Variants in NDUFA10 observed in about 807,000 individuals in gnomAD.
NDUFA10 encodes NADH dehydrogenase [ubiquinone] 1 alpha subcomplex subunit 10, mitochondrial.
A neutral mutation model predicts 47.8 loss-of-function variants in NDUFA10; 40 were observed. The ratio of observed to expected loss-of-function variants is 0.84; its 90% CI spans 0.65 to 1.09. The LOEUF (loss-of-function observed/expected upper bound fraction) is 1.09, where lower values mean the gene tolerates loss of function less well. Ranked by LOEUF, NDUFA10 falls within the 50% of genes least tolerant of loss-of-function variation. The pLI is 0.00. For synonymous variants in NDUFA10, 183 were observed against 172.2 expected (o/e 1.06, Z -0.49); for missense variants, 413 against 451.1 (o/e 0.92, Z 0.76).
intron 4 of NDUFA10, among the ~76,000 whole-genome samples, chr2:239,948,056 G>A (rs1314082452): frequency 6.6e-6 from 1 of 152,196 alleles, no homozygotes; most frequent in Non-Finnish European, 1.5e-5. Context: ...GGTGAGGTCG[G>A]GGGACAAGCT....
In NDUFA10 at chr2:239,957,429, C is replaced by A. The variant is rs1307847484; in HGVS notation, c.*3689G>T. On this transcript the variant is annotated 3_prime_UTR_variant, in exon 10 of 10. Coordinates refer to ENST00000252711, the MANE Select transcript of NDUFA10 (RefSeq NM_004544.4). The stretch of plus-strand genomic sequence containing the variant: ...ACATAGCACTAAAATGAGAGCTTCC[C>A]AAAATGTAACCAGCAATTGGATCTA... 6.6e-6 allele frequency: 1 copy of A among 152,128 alleles called. No homozygotes were observed. Among genetic ancestry groups the A allele is most frequent in the Non-Finnish European group, 1.5e-5 (1 of 68,016 alleles). 9.4% of individuals were successfully genotyped at this position (152,128 alleles called of 1,614,324 possible). A position where few individuals can be genotyped will look rare whatever the true frequency, so the allele number is the denominator to read the frequency against.
intron 4 of NDUFA10, among the ~76,000 whole-genome samples, chr2:239,919,236 T>G (rs1164594913): frequency 6.6e-6 from 1 of 152,202 alleles, no homozygotes; most frequent in Non-Finnish European, 1.5e-5. Context: ...ACAGCAGCCC[T>G]GCCCCTCTTC....
At chr2:239,926,665 G>A (rs1477885317) in intron 4 of NDUFA10, among the ~76,000 whole-genome samples, 1 of 152,142 alleles carries the variant, frequency 6.6e-6, no homozygotes, top group South Asian at 2.1e-4. Flanking sequence ...CCTTCAGGAG[G>A]TATTCAGAAG....
chr2:240,022,670 G>A lies in NDUFA10; in HGVS notation c.76-330C>T, dbSNP rs568482839. Among the ~76,000 whole-genome samples, 3 of 152,008 alleles carry A rather than the reference G, an allele frequency of 2.0e-5. No homozygotes were observed. In the South Asian group the frequency reaches 6.2e-4, roughly 32 times the overall value. On this transcript the variant is annotated intron_variant, in intron 1 of 9. Transcript: ENST00000252711. ...GGGGTGGATGGATGGATGGATGGAC[G>A]GACAGACGGGAGGAAGAAAGACAGG...
At chr2:239,979,629 T>C (rs566018850) in intron 9 of NDUFA10, among the ~76,000 whole-genome samples, 3 of 152,142 alleles carry the variant, frequency 2.0e-5, no homozygotes, top group Non-Finnish European at 4.4e-5. Context: ...CCCCCGCCCA[T>C]AGCACCAGCA....
chr2:239,954,859 G>A (rs1286992492), downstream of NDUFA10, among the ~76,000 whole-genome samples: 1 of 152,156 alleles, frequency 6.6e-6, no homozygotes, highest in Non-Finnish European at 1.5e-5. Context: ...ACACAGCCCG[G>A]AAGTGTGAGT....
chr2:239,956,251 C>T (rs184764178), downstream of NDUFA10, among the ~76,000 whole-genome samples: 18 of 152,306 alleles, frequency 1.2e-4, no homozygotes, highest in East Asian at 3.9e-4. Flanking sequence ...ACATGCAAGA[C>T]GCACAAAATC....
At chr2:239,946,863 C>T (rs1694462108) in intron 4 of NDUFA10, among the ~76,000 whole-genome samples, 1 of 152,258 alleles carries the variant, frequency 6.6e-6, no homozygotes, top group African/African-American at 2.4e-5. Flanking sequence ...GAAATGCCTG[C>T]TGTGTGTCTT....
Position 239,933,547 on chromosome 2 carries a change from C to T in NDUFA10, c.295-38233G>A, listed in dbSNP as rs116380987. On this transcript the variant is annotated intron_variant, in intron 4 of 5. Coordinates refer to the NDUFA10 transcript ENST00000419408. ...GTTTTGTTTTGTTTTGACGGAATCTCGCTCTGTCACCCAGGCTGGAGTGCA... is the reference window on the plus strand; with the variant it reads ...GTTTTGTTTTGTTTTGACGGAATCTTGCTCTGTCACCCAGGCTGGAGTGCA... Among the ~76,000 whole-genome samples the T allele has an allele frequency of 4.3e-3, 640 of 148,564 alleles. 4 individuals carry two copies. The highest frequency in any genetic ancestry group is 0.015 in the African/African-American group (602 of 40,000).
intron 7 of NDUFA10, 130 bp from the exon 8 acceptor site, chr2:240,005,425 T>A (rs1002342096): frequency 1.4e-6 from 1 of 737,928 alleles, no homozygotes; most frequent in Non-Finnish European, 2.4e-6. Context: ...CACAGCACAC[T>A]GCAGCCTTGG....
chr2:239,988,365 A>C (rs1174648075), intron 9 of NDUFA10, among the ~76,000 whole-genome samples: 1 of 152,200 alleles, frequency 6.6e-6, no homozygotes, highest in East Asian at 1.9e-4. Flanking sequence ...ATCTAATCAT[A>C]CGGCCCTAAA....
Position 240,004,712 on chromosome 2 carries a change from T to G in NDUFA10, c.890+498A>C, listed in dbSNP as rs1696878248. Among the ~76,000 whole-genome samples, 3 of 150,820 alleles carry G rather than the reference T, an allele frequency of 2.0e-5. No individual in the cohort carries two copies. In the South Asian group the frequency reaches 6.2e-4, roughly 31 times the overall value. Reference sequence around the variant, plus strand: ...CGCACCTTCCCACCACACTCCTGCCTGAAGAGCCTCTGCACCTGCCAAGCC... The same window carrying G: ...CGCACCTTCCCACCACACTCCTGCCGGAAGAGCCTCTGCACCTGCCAAGCC... On this transcript the variant is annotated intron_variant, in intron 8 of 9. Transcript: ENST00000252711.
intron 4 of NDUFA10, among the ~76,000 whole-genome samples, chr2:239,927,515 C>T (rs949416909): frequency 2.0e-5 from 3 of 152,204 alleles, no homozygotes; most frequent in Non-Finnish European, 4.4e-5. Flanking sequence ...ACCGACCTAA[C>T]GGTGCAGTCC....
chr2:239,910,510 G>T (rs1693732373), intron 4 of NDUFA10, among the ~76,000 whole-genome samples: 1 of 152,154 alleles, frequency 6.6e-6, no homozygotes, highest in African/African-American at 2.4e-5. Context: ...AGTGGGAGCT[G>T]AATGATGAGA....
At chr2:239,911,668 A>AGTGTGTGTGTGTGTGTGTGTGT (rs1209330426) in intron 4 of NDUFA10, among the ~76,000 whole-genome samples, 5 of 79,204 alleles carry the variant, frequency 6.3e-5, no homozygotes, top group African/African-American at 2.1e-4. Context: ...AAAACATGAG[A>AGTGTGTGTGTGTGTGTGTGTGT]GAGTGTGTGT....
intron 4 of NDUFA10, among the ~76,000 whole-genome samples, chr2:239,921,388 T>TA (rs35905986): frequency 0.22 from 34,012 of 151,878 alleles, 5,314 homozygotes; most frequent in African/African-American, 0.45. Flanking sequence ...CCAAGCAGGT[T>TA]GCAGCTACTG....
chr2:239,924,528 C>T (rs756905177), intron 4 of NDUFA10, among the ~76,000 whole-genome samples: 2 of 151,912 alleles, frequency 1.3e-5, no homozygotes, highest in Non-Finnish European at 1.5e-5. Flanking sequence ...AAAAACCTCT[C>T]GGCAAACAGG....
At chr2:239,930,269 T>TGTCCACCACCCCTGCTC (rs1694143864) in intron 4 of NDUFA10, among the ~76,000 whole-genome samples, 2 of 121,508 alleles carry the variant, frequency 1.6e-5, no homozygotes, top group South Asian at 5.5e-4. Flanking sequence ...CAGCCCTGCT[T>TGTCCACCACCCCTGCTC]CTCCACCACC....
At chr2:239,936,483 C>T (rs113328171) in intron 4 of NDUFA10, among the ~76,000 whole-genome samples, 1,843 of 152,216 alleles carry the variant, frequency 0.012, 31 homozygotes, top group African/African-American at 0.042. Context: ...GGCACAACAC[C>T]GAGGGGGCCC....
Sources: gnomAD v4.1 joint callset for allele counts (sites outside exome capture counted in the v4.1 genomes callset) on GRCh38, gnomAD v4.1.1 for gene constraint, MANE v1.5 for transcripts, NCBI Gene and HGNC (gene_info 2026-07-23, HGNC 2026-07-21) for gene names.